The following TCEA3 variants were observed in gnomAD, a reference collection of about 807,000 sequenced individuals.
TCEA3 encodes transcription elongation factor A protein 3.
A neutral mutation model predicts 44.0 loss-of-function variants in TCEA3; 36 were observed. The observed-to-expected ratio is 0.82, with a 90% CI of 0.63 to 1.08. The LOEUF (loss-of-function observed/expected upper bound fraction) is 1.08. Among genes scored for constraint, TCEA3 ranks in the 50% least tolerant of loss-of-function variants. The pLI is 0.00. For synonymous variants in TCEA3, 162 were observed against 159.7 expected (o/e 1.01, Z -0.11); for missense variants, 392 against 441.2 (o/e 0.89, Z 1.00).
intron 5 of TCEA3, among the ~76,000 whole-genome samples, chr1:23,408,342 C>T (rs1232498098): frequency 6.6e-6 from 1 of 152,190 alleles, no homozygotes; most frequent in African/African-American, 2.4e-5. Context: ...GATGGGGCAA[C>T]AGCAACCAGT....
chr1:23,408,086 C>T (rs1051398498), intron 5 of TCEA3, among the ~76,000 whole-genome samples: 2 of 152,066 alleles, frequency 1.3e-5, no homozygotes, highest in South Asian at 2.1e-4. Context: ...CTCAGCCTCC[C>T]GAGTAGCTGG....
intron 5 of TCEA3, among the ~76,000 whole-genome samples, chr1:23,402,032 T>C (rs962453164): frequency 6.6e-6 from 1 of 152,186 alleles, no homozygotes; most frequent in African/African-American, 2.4e-5. Flanking sequence ...CAGCTTCCAA[T>C]TATTTTTAGC....
chr1:23,419,408 C>A, intron 1 of TCEA3: 1 of 345,640 alleles, frequency 2.9e-6, no homozygotes, highest in Non-Finnish European at 5.2e-6. Context: ...CCAGGAATGC[C>A]CTCCCCCTTC....
At chr1:23,394,102 C>G in intron 7 of TCEA3, 69 bp from the exon 8 acceptor site, 1 of 1,562,968 alleles carries the variant, frequency 6.4e-7, no homozygotes, top group South Asian at 1.2e-5. Context: ...GGCCCTGACG[C>G]CTGAGAGCTC....
chr1:23,392,788 A>T (rs914240847), intron 8 of TCEA3, among the ~76,000 whole-genome samples: 5 of 150,536 alleles, frequency 3.3e-5, no homozygotes, highest in Admixed American at 1.3e-4. Context: ...CCACACATAC[A>T]CAGCCCCCAC....
chr1:23,419,063 C>T lies in TCEA3; in HGVS notation c.132+14G>A, dbSNP rs1487922320. The T allele has an allele frequency of 5.7e-6, 7 of 1,234,094 alleles. No homozygotes were observed. The highest frequency in any genetic ancestry group is 1.5e-5 in the African/African-American group (1 of 65,326). The allele number at this position is 1,234,094 out of a possible 1,614,324, so 76.4% of individuals were successfully genotyped here. A position where few individuals can be genotyped will look rare whatever the true frequency, so the allele number is the denominator to read the frequency against. ...CCCCAGGCACTGTCCCAAGGCTTCC[C>T]ACCCCCGCCCCACCTGTAGTAGCTG... On this transcript the variant is annotated intron_variant, in intron 2 of 10. Transcript: ENST00000450454.
intron 5 of TCEA3, among the ~76,000 whole-genome samples, chr1:23,401,192 G>A (rs937528597): frequency 6.6e-6 from 1 of 152,082 alleles, no homozygotes; most frequent in African/African-American, 2.4e-5. Flanking sequence ...CCAGACCCCT[G>A]GACCTTTGGG....
At chr1:23,386,937 G>A (rs1469395568) in intron 9 of TCEA3, among the ~76,000 whole-genome samples, 1 of 151,896 alleles carries the variant, frequency 6.6e-6, no homozygotes, top group African/African-American at 2.4e-5. Flanking sequence ...TGCCAGGATG[G>A]TCTCAATCTC....
At chr1:23,416,215 A>C (rs1284014240) in intron 4 of TCEA3, among the ~76,000 whole-genome samples, 1 of 152,092 alleles carries the variant, frequency 6.6e-6, no homozygotes, top group Non-Finnish European at 1.5e-5. Flanking sequence ...CATGTTGGTC[A>C]GGCTGGTCTC....
intron 3 of TCEA3, 59 bp from the exon 4 acceptor site, chr1:23,417,449 A>C: frequency 6.4e-7 from 1 of 1,574,330 alleles, no homozygotes; most frequent in African/African-American, 1.4e-5. Context: ...AGAACCCAGC[A>C]TGACTTAGTG....
intron 5 of TCEA3, chr1:23,408,453 T>C (rs1463518289): frequency 6.0e-6 from 3 of 500,278 alleles, no homozygotes; most frequent in Admixed American, 7.0e-5. Context: ...AATTGAAGAA[T>C]TGACCACAGA....
chr1:23,415,049 A>G (rs950244164), intron 4 of TCEA3, among the ~76,000 whole-genome samples: 2 of 112,918 alleles, frequency 1.8e-5, no homozygotes, highest in African/African-American at 6.8e-5. Flanking sequence ...TTTTAAACAG[A>G]GTCTCACTCT....
At position 23,384,338 on chromosome 1, in the gene TCEA3, A is replaced by G; in HGVS notation, c.1038+8T>C. ...ACAGGGAAGGGGGAAATACATAAACATACAGACCTTCCAGCGATTGCCACA... is the reference window on the plus strand; with the variant it reads ...ACAGGGAAGGGGGAAATACATAAACGTACAGACCTTCCAGCGATTGCCACA... On this transcript the variant is annotated splice_region_variant and intron_variant, in intron 10 of 10. Transcript: ENST00000450454. 6.2e-7 allele frequency: 1 copy of G among 1,613,976 alleles called. No individual in the cohort carries two copies. Among genetic ancestry groups the G allele is most frequent in the Non-Finnish European group, 8.5e-7 (1 of 1,179,884 alleles).
intron 4 of TCEA3, among the ~76,000 whole-genome samples, chr1:23,416,740 C>T (rs1259135885): frequency 2.0e-5 from 3 of 152,188 alleles, no homozygotes; most frequent in African/African-American, 7.2e-5. Flanking sequence ...GATCCTCCCG[C>T]CTCAGCCTCC....
In TCEA3 at chr1:23,385,428, G is replaced by C. The variant is rs190783541; in HGVS notation, c.967-1011C>G. Among the ~76,000 whole-genome samples, 10 of 152,344 alleles carry C rather than the reference G, an allele frequency of 6.6e-5. No homozygotes were observed. The East Asian group carries it at 1.9e-3, about 29-fold the overall frequency. On this transcript the variant is annotated intron_variant, in intron 9 of 10. Coordinates refer to ENST00000450454, the MANE Select transcript of TCEA3 (RefSeq NM_003196.3). ...GGGCAGTTTACTTCTAGAAAGAAGT[G>C]AGGCACAGGAAGCGCATCACTCCAC...
chr1:23,404,727 G>A (rs1411443469), intron 5 of TCEA3, among the ~76,000 whole-genome samples: 2 of 151,956 alleles, frequency 1.3e-5, no homozygotes, highest in African/African-American at 4.8e-5. Context: ...GGGTGGTTGA[G>A]GCAGGAGGAT....
intron 4 of TCEA3, among the ~76,000 whole-genome samples, chr1:23,416,020 T>G (rs1639878280): frequency 2.8e-5 from 4 of 143,214 alleles, no homozygotes; most frequent in East Asian, 1.9e-4. Context: ...TTTTTTTTTT[T>G]TGTGAGACGG....
chr1:23,404,060 T>A, intron 5 of TCEA3: 1 of 695,248 alleles, frequency 1.4e-6, no homozygotes, highest in Non-Finnish European at 2.6e-6. Context: ...CCTTAGAAAA[T>A]CCTCCTGCCC....
intron 8 of TCEA3, among the ~76,000 whole-genome samples, chr1:23,389,384 A>T (rs1237804700): frequency 2.0e-5 from 3 of 151,926 alleles, no homozygotes; most frequent in African/African-American, 7.3e-5. Flanking sequence ...AGCTACTTGG[A>T]AGGCTGAAGC....
Sources: allele counts gnomAD v4.1 joint callset (sites outside exome capture counted in the v4.1 genomes callset), GRCh38; gene constraint gnomAD v4.1.1; transcripts MANE v1.5; gene names NCBI Gene and HGNC (gene_info 2026-07-23, HGNC 2026-07-21).